Variants in MMP16 observed in about 807,000 individuals in gnomAD.
MMP16 encodes matrix metalloproteinase-16.
Under a neutral mutation model 67.8 loss-of-function variants are expected in MMP16, and 12 were observed. The ratio of observed to expected loss-of-function variants is 0.18; its 90% CI spans 0.11 to 0.29. The LOEUF is 0.29. Ranked by LOEUF, MMP16 falls within the 10% of genes least tolerant of loss-of-function variation. The pLI is 1.00. For synonymous variants in MMP16, 249 were observed against 255.9 expected (o/e 0.97, Z 0.26); for missense variants, 475 against 765.7 (o/e 0.62, Z 4.48).
In MMP16 at chr8:88,037,240, C is replaced by G. The variant is rs767751657; in HGVS notation, c.*4221G>C. On this transcript the variant is annotated 3_prime_UTR_variant, in exon 10 of 10. Transcript: ENST00000286614. The stretch of plus-strand genomic sequence containing the variant: ...AAGTTTGGACAATGTTCTTATCCAC[C>G]ACATTGTGTTTTTTAATGACCCACA... 1 of 151,120 alleles carries G rather than the reference C, an allele frequency of 6.6e-6. No individual in the cohort carries two copies. The highest frequency in any genetic ancestry group is 1.5e-5 in the Non-Finnish European group (1 of 67,686). 9.4% of individuals were successfully genotyped at this position (151,120 alleles called of 1,614,324 possible). A position where few individuals can be genotyped will look rare whatever the true frequency, so the allele number is the denominator to read the frequency against.
intron 4 of MMP16, among the ~76,000 whole-genome samples, chr8:88,158,862 C>G (rs989747584): frequency 6.6e-6 from 1 of 152,158 alleles, no homozygotes; most frequent in African/African-American, 2.4e-5. Context: ...AGGAAGGGAT[C>G]CAGTTTCAGC....
intron 6 of MMP16, among the ~76,000 whole-genome samples, chr8:88,092,418 T>G (rs181016824): frequency 6.6e-6 from 1 of 151,990 alleles, no homozygotes; most frequent in Non-Finnish European, 1.5e-5. Flanking sequence ...TTTCCACATA[T>G]CTCAACTCTT....
intron 3 of MMP16, among the ~76,000 whole-genome samples, chr8:88,180,375 C>G (rs1430539056): frequency 6.6e-6 from 1 of 151,492 alleles, no homozygotes; most frequent in East Asian, 1.9e-4. Flanking sequence ...GCAAGTCCTG[C>G]TATATGTTTC....
chr8:88,035,346 A>G lies in MMP16; in HGVS notation c.*6115T>C, dbSNP rs1395011342. ...TATGATGTATTTTCCTATACTGTTC[A>G]ATGTGCCCTTTAATGTGAGGACACG... On this transcript the variant is annotated 3_prime_UTR_variant, in exon 10 of 10. Transcript: ENST00000286614. This position sits in a 1 kb window ranked among gnomAD's most constrained non-coding sequence, Gnocchi z 4.7. The G allele has an allele frequency of 6.6e-6, 1 of 152,116 alleles. No homozygotes were observed. Among genetic ancestry groups the G allele is most frequent in the African/African-American group, 2.4e-5 (1 of 41,454 alleles). 9.4% of individuals were successfully genotyped at this position (152,116 alleles called of 1,614,324 possible).
chr8:88,321,139 A>G (rs1286977864), intron 1 of MMP16, among the ~76,000 whole-genome samples: 1 of 152,148 alleles, frequency 6.6e-6, no homozygotes, highest in Non-Finnish European at 1.5e-5. Flanking sequence ...AATAAATGCA[A>G]TCTGATTTTT....
At chr8:88,153,322 A>G (rs1048308866) in intron 4 of MMP16, among the ~76,000 whole-genome samples, 42 of 152,322 alleles carry the variant, frequency 2.8e-4, no homozygotes, top group African/African-American at 9.6e-4. Flanking sequence ...TGCCGTCCCC[A>G]TCAAGCTACC....
chr8:88,107,345 C>G (rs1440914559), intron 6 of MMP16, among the ~76,000 whole-genome samples: 1 of 150,938 alleles, frequency 6.6e-6, no homozygotes, highest in Admixed American at 6.6e-5. Flanking sequence ...TTACTCAAGT[C>G]TGGGGACTTT....
chr8:88,300,380 A>C (rs1449231287), intron 1 of MMP16, among the ~76,000 whole-genome samples: 1 of 152,212 alleles, frequency 6.6e-6, no homozygotes, highest in East Asian at 1.9e-4. Flanking sequence ...TACATTTTAA[A>C]TCGTGCACCT....
chr8:88,042,081 C>A (rs1358626292), intron 9 of MMP16, among the ~76,000 whole-genome samples: 1 of 152,118 alleles, frequency 6.6e-6, no homozygotes, highest in Non-Finnish European at 1.5e-5. Context: ...ACTCCTAGTC[C>A]AAGCTAGAAA....
intron 8 of MMP16, among the ~76,000 whole-genome samples, chr8:88,047,712 G>A (rs1936295460): frequency 6.6e-6 from 1 of 152,174 alleles, no homozygotes; most frequent in Non-Finnish European, 1.5e-5. Flanking sequence ...GATTAGACAA[G>A]CATTTACACT....
intron 1 of MMP16, among the ~76,000 whole-genome samples, chr8:88,294,535 TAC>T (rs1461974006): frequency 1.3e-5 from 2 of 150,952 alleles, no homozygotes; most frequent in African/African-American, 4.9e-5. Flanking sequence ...TATGTCTCTA[TAC>T]ACATATATGT....
intron 1 of MMP16, among the ~76,000 whole-genome samples, chr8:88,247,836 G>C (rs995802982): frequency 6.6e-6 from 1 of 152,030 alleles, no homozygotes; most frequent in Non-Finnish European, 1.5e-5. Context: ...AACAGTGTAG[G>C]GGAATCTGGC....
chr8:88,268,752 A>T (rs186408453), intron 1 of MMP16, among the ~76,000 whole-genome samples: 6 of 152,320 alleles, frequency 3.9e-5, no homozygotes, highest in African/African-American at 1.4e-4. Flanking sequence ...ATACGGATGC[A>T]CTGTGTGTGT....
At chr8:88,324,688 C>A (rs571355364) in intron 1 of MMP16, among the ~76,000 whole-genome samples, 1 of 152,148 alleles carries the variant, frequency 6.6e-6, no homozygotes, top group East Asian at 1.9e-4. Flanking sequence ...GAATGAGGAA[C>A]ACAATGTAAG....
intron 7 of MMP16, among the ~76,000 whole-genome samples, chr8:88,060,170 A>G (rs1364101742): frequency 6.6e-6 from 1 of 152,068 alleles, no homozygotes; most frequent in Non-Finnish European, 1.5e-5. Context: ...GTTCAACGTA[A>G]AATTGTGAAC....
At chr8:88,207,339 A>G (rs1809444927) in intron 1 of MMP16, among the ~76,000 whole-genome samples, 1 of 152,186 alleles carries the variant, frequency 6.6e-6, no homozygotes, top group African/African-American at 2.4e-5. Flanking sequence ...TCCTGTTGCT[A>G]TTGCAGTGAG....
chr8:88,072,173 G>C (rs1355472235), intron 7 of MMP16, among the ~76,000 whole-genome samples: 3 of 152,066 alleles, frequency 2.0e-5, no homozygotes, highest in African/African-American at 7.2e-5. Context: ...TGGTTATCTG[G>C]TCTTTTGAGG....
intron 6 of MMP16, among the ~76,000 whole-genome samples, chr8:88,075,938 T>TACAC (rs71556442): frequency 0.18 from 25,898 of 140,298 alleles, 2,400 homozygotes; most frequent in Non-Finnish European, 0.2. Context: ...CATATATTCA[T>TACAC]ACACACACAC....
At chr8:88,194,178 A>G (rs1477428753) in intron 2 of MMP16, among the ~76,000 whole-genome samples, 1 of 152,054 alleles carries the variant, frequency 6.6e-6, no homozygotes, top group African/African-American at 2.4e-5. Context: ...CATTACTTTT[A>G]ATTACCCAGT....
Sources: allele counts gnomAD v4.1 joint callset (sites outside exome capture counted in the v4.1 genomes callset), GRCh38; gene constraint gnomAD v4.1.1; non-coding constraint Gnocchi (gnomAD v3.1); transcripts MANE v1.5; gene names NCBI Gene and HGNC (gene_info 2026-07-23, HGNC 2026-07-21).